Variants in SUMF1 observed in about 807,000 individuals in gnomAD.
SUMF1 encodes the protein formylglycine-generating enzyme.
In SUMF1, 48 loss-of-function variants were observed where a neutral mutation model predicts 47.6. The ratio of observed to expected loss-of-function variants is 1.01; its 90% CI spans 0.80 to 1.28. SUMF1 has a LOEUF of 1.28. Ranked by LOEUF, SUMF1 falls within the 50% of genes most tolerant of loss-of-function variation. The probability of loss-of-function intolerance (pLI) is 0.00; values close to 1 mark genes in which losing one functional copy is unlikely to be tolerated. For synonymous variants in SUMF1, 230 were observed against 192.1 expected (o/e 1.20, Z -1.63); for missense variants, 571 against 485.4 (o/e 1.18, Z -1.66).
At chr3:4,176,501 C>T (rs1694966300) in intron 8 of SUMF1, among the ~76,000 whole-genome samples, 1 of 152,138 alleles carries the variant, frequency 6.6e-6, no homozygotes, top group African/African-American at 2.4e-5. Flanking sequence ...GAGATTTTGT[C>T]ACCACCAGGC....
chr3:4,275,155 T>C (rs544499797), intron 8 of SUMF1, among the ~76,000 whole-genome samples: 1 of 152,172 alleles, frequency 6.6e-6, no homozygotes, highest in African/African-American at 2.4e-5. Flanking sequence ...GGTTGCGCTA[T>C]GAGAAATTAG....
chr3:4,050,435 GA>G (rs1266593878), intron 9 of SUMF1, among the ~76,000 whole-genome samples: 1 of 151,958 alleles, frequency 6.6e-6, no homozygotes, highest in Non-Finnish European at 1.5e-5. Context: ...TAGAATTTCA[GA>G]GGGGCTTTGA....
intron 8 of SUMF1, among the ~76,000 whole-genome samples, chr3:4,126,383 T>C (rs1693655157): frequency 6.6e-6 from 1 of 152,132 alleles, no homozygotes; most frequent in South Asian, 2.1e-4. Flanking sequence ...GATACATCAT[T>C]AGGACTTCCT....
rs149413266 is a variant in SUMF1, at chr3:4,112,744, A to C, written c.1015-43999T>G. On this transcript the variant is annotated intron_variant and NMD_transcript_variant, in intron 8 of 12. Transcript: ENST00000448413. ...TAAGTGGAAACAGCTGGAGAAAGCA[A>C]ACAGCAAACTTGAGATTTCTTCTTA... Among the ~76,000 whole-genome samples, 10 of 152,244 alleles carry C rather than the reference A, an allele frequency of 6.6e-5. No individual in the cohort carries two copies. The East Asian group carries it at 1.9e-3, about 29-fold the overall frequency.
chr3:4,368,286 GAT>G (rs1343449992), intron 8 of SUMF1, among the ~76,000 whole-genome samples: 3 of 152,186 alleles, frequency 2.0e-5, no homozygotes, highest in African/African-American at 7.2e-5. Context: ...ACCACAATGA[GAT>G]ATCATCTCAC....
At chr3:4,335,275 C>T (rs531673725) in intron 8 of SUMF1, among the ~76,000 whole-genome samples, 17 of 152,234 alleles carry the variant, frequency 1.1e-4, no homozygotes, top group Non-Finnish European at 4.4e-5. Flanking sequence ...AAGATGATGC[C>T]CAAACTTAAC....
At chr3:4,291,526 GAAT>G (rs1264864895) in intron 8 of SUMF1, among the ~76,000 whole-genome samples, 2 of 152,092 alleles carry the variant, frequency 1.3e-5, no homozygotes, top group African/African-American at 4.8e-5. Context: ...GGTTTGCAGT[GAAT>G]AATAGATAAC....
chr3:4,375,072 G>C (rs1559256028), intron 8 of SUMF1, among the ~76,000 whole-genome samples: 1 of 150,028 alleles, frequency 6.7e-6, no homozygotes, highest in Non-Finnish European at 1.5e-5. Context: ...GGAGGTCGGG[G>C]CTGTAGTGAG....
Position 4,142,904 on chromosome 3 carries a change from C to CA in SUMF1, c.1015-74160dup, listed in dbSNP as rs1202292218. ...CTAGCTCCAAAAGGATCCACAATCC[C>CA]AAAAAAGAGAAGGTAGTATTTTCCA... is the stretch of plus-strand genomic sequence containing the variant. On this transcript the variant is annotated intron_variant and NMD_transcript_variant, in intron 8 of 12. Coordinates refer to the SUMF1 transcript ENST00000448413. Among the ~76,000 whole-genome samples, 6 of 151,666 alleles carry CA rather than the reference C, an allele frequency of 4.0e-5. No individual in the cohort carries two copies. The East Asian group carries it at 9.6e-4, about 24-fold the overall frequency.
chr3:4,069,853 T>C (rs1000129314), intron 8 of SUMF1, among the ~76,000 whole-genome samples: 8 of 152,146 alleles, frequency 5.3e-5, no homozygotes, highest in African/African-American at 1.9e-4. Flanking sequence ...CCCTGAAAAG[T>C]CTCTTGTGGG....
intron 8 of SUMF1, among the ~76,000 whole-genome samples, chr3:4,237,281 A>T (rs752287663): frequency 7.9e-5 from 12 of 152,120 alleles, no homozygotes; most frequent in Non-Finnish European, 1.5e-4. Context: ...CCATGTACTC[A>T]CCAGCATTTG....
At chr3:4,454,774 T>A (rs1703097815) in intron 1 of SUMF1, among the ~76,000 whole-genome samples, 1 of 152,192 alleles carries the variant, frequency 6.6e-6, no homozygotes, top group South Asian at 2.1e-4. Flanking sequence ...TGCTACAACA[T>A]GCGTGAACCT....
At chr3:4,452,569 A>G (rs930637529) in intron 2 of SUMF1, among the ~76,000 whole-genome samples, 2 of 152,214 alleles carry the variant, frequency 1.3e-5, no homozygotes, top group Non-Finnish European at 2.9e-5. Flanking sequence ...CATTAACACA[A>G]TATAGCATAA....
At chr3:4,289,720 T>A (rs892936484) in intron 8 of SUMF1, among the ~76,000 whole-genome samples, 1 of 152,096 alleles carries the variant, frequency 6.6e-6, no homozygotes, top group African/African-American at 2.4e-5. Context: ...CCAGAAGGGG[T>A]AAAGCATCTG....
At chr3:4,291,001 G>A (rs1363109990) in intron 8 of SUMF1, among the ~76,000 whole-genome samples, 1 of 152,156 alleles carries the variant, frequency 6.6e-6, no homozygotes, top group Non-Finnish European at 1.5e-5. Flanking sequence ...TGTCTCTACA[G>A]TAATATGTAG....
intron 9 of SUMF1, among the ~76,000 whole-genome samples, chr3:4,038,472 G>A (rs1241477265): frequency 1.3e-5 from 2 of 152,152 alleles, no homozygotes; most frequent in East Asian, 3.9e-4. Context: ...GGCAGTAGCA[G>A]AGTGGCTTTC....
At chr3:4,271,558 G>A (rs914528383) in intron 8 of SUMF1, among the ~76,000 whole-genome samples, 4 of 152,166 alleles carry the variant, frequency 2.6e-5, no homozygotes, top group African/African-American at 9.7e-5. Flanking sequence ...CTGGAATGCA[G>A]TGGCGTGATG....
chr3:4,187,953 C>G (rs918818431), intron 8 of SUMF1, among the ~76,000 whole-genome samples: 1 of 152,116 alleles, frequency 6.6e-6, no homozygotes, highest in African/African-American at 2.4e-5. Context: ...ATTTTGACCC[C>G]TCATGATAAA....
intron 8 of SUMF1, among the ~76,000 whole-genome samples, chr3:4,311,578 A>C (rs73807000): frequency 7.9e-4 from 121 of 152,334 alleles, no homozygotes; most frequent in African/African-American, 2.8e-3. Flanking sequence ...AGTCAATGCC[A>C]CTTCTGAACA....
Sources: gnomAD v4.1 joint callset for allele counts (sites outside exome capture counted in the v4.1 genomes callset) on GRCh38, gnomAD v4.1.1 for gene constraint, MANE v1.5 for transcripts, NCBI Gene and HGNC (gene_info 2026-07-23, HGNC 2026-07-21) for gene names.